GRID2: variants seen among roughly 807,000 people sequenced by gnomAD.
The protein encoded by GRID2 is glutamate ionotropic receptor delta type subunit 2, also known as glutamate receptor ionotropic, delta-2.
A neutral mutation model predicts 114.8 loss-of-function variants in GRID2; 33 were observed. The observed-to-expected ratio is 0.29, with a 90% CI of 0.22 to 0.38. The LOEUF (loss-of-function observed/expected upper bound fraction) is 0.38, where lower values mean the gene tolerates loss of function less well. Ranked by LOEUF, GRID2 falls within the 10% of genes least tolerant of loss-of-function variation. The pLI is 1.00. For synonymous variants in GRID2, 505 were observed against 449.9 expected (o/e 1.12, Z -1.55); for missense variants, 1,184 against 1,257.7 (o/e 0.94, Z 0.89).
At chr4:92,872,006 T>C (rs1242883912) in intron 2 of GRID2, among the ~76,000 whole-genome samples, 1 of 152,124 alleles carries the variant, frequency 6.6e-6, no homozygotes, top group African/African-American at 2.4e-5. Flanking sequence ...GTCAGGTGTA[T>C]GTGTGAGTGT....
chr4:93,558,372 C>T (rs940487093), intron 13 of GRID2, among the ~76,000 whole-genome samples: 2 of 152,014 alleles, frequency 1.3e-5, no homozygotes, highest in Non-Finnish European at 2.9e-5. Context: ...AGAGAAGAAT[C>T]AAATAGACAC....
intron 13 of GRID2, among the ~76,000 whole-genome samples, chr4:93,565,101 T>C (rs145348794): frequency 3.6e-3 from 555 of 152,192 alleles, no homozygotes; most frequent in African/African-American, 0.013. Flanking sequence ...TTTATATAAA[T>C]ATTTCCTTAC....
chr4:92,573,508 T>A (rs1727730261), intron 1 of GRID2, among the ~76,000 whole-genome samples: 1 of 152,178 alleles, frequency 6.6e-6, no homozygotes, highest in African/African-American at 2.4e-5. Context: ...TCTGGTATGT[T>A]GTTTCTCTGT....
chr4:92,958,605 A>G (rs1752586878), intron 2 of GRID2, among the ~76,000 whole-genome samples: 1 of 152,052 alleles, frequency 6.6e-6, no homozygotes, highest in Non-Finnish European at 1.5e-5. Context: ...ATCTATGTCC[A>G]CAACATATAT....
intron 8 of GRID2, among the ~76,000 whole-genome samples, chr4:93,331,133 C>T (rs965037755): frequency 6.8e-6 from 1 of 147,242 alleles, no homozygotes; most frequent in Admixed American, 6.8e-5. Context: ...CTAACCCCCC[C>T]CCCATTTCAC....
At chr4:92,547,091 A>G (rs530814136) in intron 1 of GRID2, among the ~76,000 whole-genome samples, 7 of 152,184 alleles carry the variant, frequency 4.6e-5, no homozygotes, top group Non-Finnish European at 1.0e-4. Flanking sequence ...GGTTTCTGTA[A>G]CTTTGAACCA....
intron 14 of GRID2, among the ~76,000 whole-genome samples, chr4:93,730,899 C>T (rs1730425481): frequency 6.6e-6 from 1 of 152,142 alleles, no homozygotes; most frequent in Admixed American, 6.5e-5. Flanking sequence ...CTATGGTCTG[C>T]CAGGGAGGCC....
intron 4 of GRID2, among the ~76,000 whole-genome samples, chr4:93,162,010 C>T (rs901289418): frequency 6.6e-6 from 1 of 151,676 alleles, no homozygotes; most frequent in Non-Finnish European, 1.5e-5. Context: ...AAATGATCTC[C>T]CTAACATTTC....
At chr4:92,916,506 C>T (rs1748805960) in intron 2 of GRID2, among the ~76,000 whole-genome samples, 1 of 151,960 alleles carries the variant, frequency 6.6e-6, no homozygotes, top group African/African-American at 2.4e-5. Flanking sequence ...GCTATGCCTC[C>T]CCCCAGCCCC....
At chr4:92,646,222 C>A (rs1353517841) in intron 2 of GRID2, among the ~76,000 whole-genome samples, 1 of 152,176 alleles carries the variant, frequency 6.6e-6, no homozygotes, top group Admixed American at 6.6e-5. Flanking sequence ...TATTATGTGC[C>A]ACTCAGCTAT....
intron 11 of GRID2, among the ~76,000 whole-genome samples, chr4:93,490,145 C>A (rs79006341): frequency 0.015 from 2,229 of 151,950 alleles, 49 homozygotes; most frequent in East Asian, 0.12. Context: ...TAGAACAAAG[C>A]AAGTATGTGA....
intron 8 of GRID2, among the ~76,000 whole-genome samples, chr4:93,302,248 G>C (rs192320362): frequency 2.3e-4 from 35 of 152,166 alleles, no homozygotes; most frequent in African/African-American, 8.4e-4. Context: ...GTACAGTACA[G>C]GCTTCTAAAA....
chr4:92,943,249 C>G (rs980106501), intron 2 of GRID2, among the ~76,000 whole-genome samples: 1 of 152,176 alleles, frequency 6.6e-6, no homozygotes, highest in Non-Finnish European at 1.5e-5. Context: ...GCCCATATTT[C>G]TTGGGGGCTT....
intron 13 of GRID2, among the ~76,000 whole-genome samples, chr4:93,625,907 T>A (rs1275811037): frequency 1.3e-5 from 2 of 148,858 alleles, no homozygotes; most frequent in African/African-American, 2.6e-5. Flanking sequence ...AGAGCAAGAC[T>A]CCGTCTCAGA....
chr4:92,452,877 T>C (rs1721007119), intron 1 of GRID2, among the ~76,000 whole-genome samples: 1 of 148,450 alleles, frequency 6.7e-6, no homozygotes, highest in Non-Finnish European at 1.5e-5. Flanking sequence ...TTTTTTACCA[T>C]ATATATATAT....
intron 14 of GRID2, among the ~76,000 whole-genome samples, chr4:93,669,619 T>C (rs1375438992): frequency 6.6e-6 from 1 of 152,150 alleles, no homozygotes; most frequent in Non-Finnish European, 1.5e-5. Context: ...GATTAGACTT[T>C]GTATGTGTCT....
intron 8 of GRID2, among the ~76,000 whole-genome samples, chr4:93,298,356 G>A (rs1480052682): frequency 6.6e-6 from 1 of 152,132 alleles, no homozygotes; most frequent in Non-Finnish European, 1.5e-5. Context: ...TTCTGGTGAG[G>A]GTCCACTTTC....
At chr4:93,590,234 A>T (rs1012828733) in intron 13 of GRID2, among the ~76,000 whole-genome samples, 1 of 150,608 alleles carries the variant, frequency 6.6e-6, no homozygotes, top group Non-Finnish European at 1.5e-5. Flanking sequence ...TTTTTGTATA[A>T]GGCGTAAGGA....
chr4:92,348,834 G>A (rs1727917413), intron 1 of GRID2, among the ~76,000 whole-genome samples: 1 of 152,066 alleles, frequency 6.6e-6, no homozygotes, highest in Non-Finnish European at 1.5e-5. Flanking sequence ...AAACTCTGTG[G>A]AATTATAGTA....
Sources: gnomAD v4.1 joint callset for allele counts (sites outside exome capture counted in the v4.1 genomes callset) on GRCh38, gnomAD v4.1.1 for gene constraint, MANE v1.5 for transcripts, NCBI Gene and HGNC (gene_info 2026-07-23, HGNC 2026-07-21) for gene names.